PARP8: variants seen among roughly 807,000 people sequenced by gnomAD.
The protein encoded by PARP8 is poly(ADP-ribose) polymerase family member 8.
Under a neutral mutation model 124.1 loss-of-function variants are expected in PARP8, and 51 were observed. The observed-to-expected ratio is 0.41, with a 90% CI of 0.33 to 0.52. The LOEUF is 0.52. PARP8 is among the 20% of genes least tolerant of loss of function. The pLI is 0.21. For missense variants in PARP8, 860 were observed against 1,018.9 expected, an observed-to-expected ratio of 0.84 and a Z score of 2.12; for synonymous variants, 391 against 361.5, an observed-to-expected ratio of 1.08 and a Z score of -0.93.
intron 2 of PARP8, among the ~76,000 whole-genome samples, chr5:50,721,710 T>C (rs1281733964): frequency 6.6e-6 from 1 of 152,108 alleles, no homozygotes; most frequent in African/African-American, 2.4e-5. Flanking sequence ...TCTTTATATT[T>C]TATTTTTAAA....
Position 50,822,381 on chromosome 5 carries a change from C to G in PARP8, c.1841C>G (p.Ser614Cys), listed in dbSNP as rs748367359. 5.0e-6 allele frequency: 8 copies of G among 1,610,398 alleles called. No homozygotes were observed. Among genetic ancestry groups the G allele is most frequent in the Non-Finnish European group, 6.8e-6 (8 of 1,176,936 alleles). ...RVMKALDSIT[S>C]IREMTQAPYL... ...ATGAAAGCACTGGATAGCATAACTT[C>G]TATCAGAGAAATGACACAAGTAAGT... The change falls in exon 17 of 26, where the codon TCT (serine) becomes TGT (cysteine). Residue 614 changes from serine to cysteine, a missense_variant. Transcript: ENST00000281631.
At chr5:50,778,249 A>G in intron 8 of PARP8, 120 bp downstream of exon 8, 1 of 762,642 alleles carries the variant, frequency 1.3e-6, no homozygotes, top group Non-Finnish European at 2.1e-6. Context: ...TTGACTGTTA[A>G]GGTGCTTTGT....
intron 2 of PARP8, among the ~76,000 whole-genome samples, chr5:50,733,021 G>T (rs2149521170): frequency 6.6e-6 from 1 of 151,890 alleles, no homozygotes; most frequent in East Asian, 2.0e-4. Context: ...TGGGTGAAAG[G>T]CCGGGCGCGG....
intron 2 of PARP8, chr5:50,744,954 G>T: frequency 1.8e-6 from 1 of 544,708 alleles, no homozygotes; most frequent in Non-Finnish European, 3.3e-6. Flanking sequence ...TTCTTTCCAC[G>T]TTTTTTTGGT....
intron 2 of PARP8, among the ~76,000 whole-genome samples, chr5:50,683,567 C>A (rs575675325): frequency 1.3e-5 from 2 of 152,170 alleles, no homozygotes; most frequent in South Asian, 4.1e-4. Flanking sequence ...TTAATATTGC[C>A]GGTCTCAGCA....
intron 2 of PARP8, among the ~76,000 whole-genome samples, chr5:50,676,831 A>C (rs1238522083): frequency 2.6e-5 from 4 of 152,234 alleles, no homozygotes; most frequent in Non-Finnish European, 4.4e-5. Context: ...TTTCCACATT[A>C]GTCGGGAAGC....
chr5:50,795,538 T>TA, intron 12 of PARP8, 121 bp downstream of exon 12: 1 of 807,098 alleles, frequency 1.2e-6, no homozygotes, highest in Non-Finnish European at 1.8e-6. Context: ...ACTGTTTTTT[T>TA]AAAATCTTTT....
At chr5:50,668,907 A>G (rs1021795236) in intron 2 of PARP8, 4 of 152,250 alleles carry the variant, frequency 2.6e-5, no homozygotes, top group African/African-American at 9.6e-5. Context: ...TTTAGCTTAG[A>G]GGGAATTCCT....
rs537647129 is a variant in PARP8, at chr5:50,751,274, T to A, written c.184+1086T>A. On this transcript the variant is annotated intron_variant, in intron 3 of 25. Coordinates refer to ENST00000281631, the MANE Select transcript of PARP8 (RefSeq NM_024615.4). ...AGGTATTACTTGGGCTTTTTCACACTTTACGGGAGCCCCACCTGGAAATGC... is the reference window on the plus strand; with the variant it reads ...AGGTATTACTTGGGCTTTTTCACACATTACGGGAGCCCCACCTGGAAATGC... Among the ~76,000 whole-genome samples the A allele has an allele frequency of 2.0e-5, 3 of 152,252 alleles. No homozygotes were observed. The East Asian group carries it at 5.8e-4, about 29-fold the overall frequency.
intron 2 of PARP8, among the ~76,000 whole-genome samples, chr5:50,700,656 A>C (rs537738560): frequency 2.6e-5 from 4 of 152,298 alleles, no homozygotes; most frequent in African/African-American, 9.6e-5. Flanking sequence ...ATTGGTAAGA[A>C]TTGGATTGGT....
chr5:50,701,505 A>G (rs1753590068), intron 2 of PARP8, among the ~76,000 whole-genome samples: 1 of 152,098 alleles, frequency 6.6e-6, no homozygotes, highest in African/African-American at 2.4e-5. Flanking sequence ...TCCCCTTTGC[A>G]TAGTTTTCAT....
intron 9 of PARP8, among the ~76,000 whole-genome samples, chr5:50,782,825 C>T (rs1740822022): frequency 6.6e-6 from 1 of 152,040 alleles, no homozygotes; most frequent in African/African-American, 2.4e-5. Context: ...AAACATAAGG[C>T]ATTAGTTAAT....
chr5:50,684,653 T>C (rs1252717019), intron 2 of PARP8, among the ~76,000 whole-genome samples: 1 of 152,170 alleles, frequency 6.6e-6, no homozygotes, highest in Non-Finnish European at 1.5e-5. Context: ...AGGGCTAAAC[T>C]GATGTTACTG....
At chr5:50,748,160 T>C (rs1267732638) in intron 2 of PARP8, among the ~76,000 whole-genome samples, 1 of 150,786 alleles carries the variant, frequency 6.6e-6, no homozygotes, top group African/African-American at 2.4e-5. Context: ...TTTAGAATTA[T>C]TGTGTAATTT....
At chr5:50,811,292 G>T (rs542891819) in intron 14 of PARP8, among the ~76,000 whole-genome samples, 1 of 152,008 alleles carries the variant, frequency 6.6e-6, no homozygotes, top group Non-Finnish European at 1.5e-5. Context: ...AACAGACCAG[G>T]GTTGGGGGGC....
chr5:50,807,425 A>C (rs1384342200), intron 14 of PARP8, among the ~76,000 whole-genome samples: 1 of 152,050 alleles, frequency 6.6e-6, no homozygotes, highest in Non-Finnish European at 1.5e-5. Flanking sequence ...TGTCATTTAT[A>C]CTCTCATCAC....
rs527744775 is a variant in PARP8 at position 50,756,020 on chromosome 5, T to C, written c.185-3623T>C. ...TGTATAAGAATGCTTGTGATTTTTG[T>C]GCATTGATTTTGTATCCTGAGACTT... On this transcript the variant is annotated intron_variant, in intron 3 of 25. Transcript: ENST00000281631. Among the ~76,000 whole-genome samples the C allele has an allele frequency of 1.9e-4, 29 of 152,274 alleles. No homozygotes were observed. In the South Asian group the frequency reaches 4.0e-3, roughly 21 times the overall value.
At chr5:50,798,655 C>T (rs1742837381) in intron 14 of PARP8, among the ~76,000 whole-genome samples, 2 of 152,076 alleles carry the variant, frequency 1.3e-5, no homozygotes, top group Non-Finnish European at 2.9e-5. Flanking sequence ...ATCTCCTGAC[C>T]TTGTGATTCA....
chr5:50,732,582 A>G lies in PARP8; in HGVS notation c.147-17569A>G, dbSNP rs569112612. Among the ~76,000 whole-genome samples the G allele has an allele frequency of 2.6e-5, 4 of 152,266 alleles. No homozygotes were observed. The East Asian group carries it at 5.8e-4, about 22-fold the overall frequency. ...TTATTTTAATGATAATGTAAATGAC[A>G]TGCAATAGCTTTGACTCAGCAGATT... is the stretch of plus-strand genomic sequence containing the variant. On this transcript the variant is annotated intron_variant, in intron 2 of 25. Coordinates refer to ENST00000281631, the MANE Select transcript of PARP8 (RefSeq NM_024615.4).
Sources: allele counts gnomAD v4.1 joint callset (sites outside exome capture counted in the v4.1 genomes callset), GRCh38; gene constraint gnomAD v4.1.1; transcripts MANE v1.5; gene names NCBI Gene and HGNC (gene_info 2026-07-23, HGNC 2026-07-21).